The following XPNPEP3 variants were observed in gnomAD, a reference collection of about 807,000 sequenced individuals.
The protein encoded by XPNPEP3 is X-prolyl aminopeptidase 3, also known as xaa-Pro aminopeptidase 3.
Under a neutral mutation model 60.0 loss-of-function variants are expected in XPNPEP3, and 41 were observed. The ratio of observed to expected loss-of-function variants is 0.68; its 90% confidence interval spans 0.53 to 0.89. The LOEUF is 0.89. XPNPEP3 is among the 40% of genes least tolerant of loss of function. XPNPEP3 has a pLI of 0.00. For missense variants in XPNPEP3, 598 were observed against 638.9 expected (o/e 0.94, Z 0.69); for synonymous variants, 212 against 223.2 (o/e 0.95, Z 0.45).
intron 1 of XPNPEP3, among the ~76,000 whole-genome samples, chr22:40,863,140 C>T (rs539494536): frequency 2.6e-5 from 4 of 152,238 alleles, no homozygotes; most frequent in South Asian, 2.1e-4. Context: ...ATTTCAAGTA[C>T]AGTGGGAAGC....
chr22:40,899,430 A>G (rs2146263694), intron 4 of XPNPEP3, among the ~76,000 whole-genome samples: 1 of 152,278 alleles, frequency 6.6e-6, no homozygotes, highest in East Asian at 1.9e-4. Flanking sequence ...TCATTTCCAC[A>G]TTCCATGATT....
chr22:40,872,691 T>G (rs530484967), intron 2 of XPNPEP3, among the ~76,000 whole-genome samples: 67 of 152,192 alleles, frequency 4.4e-4, no homozygotes, highest in African/African-American at 1.6e-3. Flanking sequence ...CCTCAGGTGA[T>G]CCACCCGCCT....
intron 6 of XPNPEP3, among the ~76,000 whole-genome samples, chr22:40,912,371 A>G (rs2058180213): frequency 6.6e-6 from 1 of 152,214 alleles, no homozygotes; most frequent in Non-Finnish European, 1.5e-5. Context: ...GATTATGTCA[A>G]TTTATACTTC....
At position 40,886,386 on chromosome 22, in the gene XPNPEP3, C is replaced by T. The variant is rs150300298; in HGVS notation, c.663C>T (p.Pro221=). 1.2e-6 allele frequency: 2 copies of T among 1,613,986 alleles called. No homozygotes were observed. The highest frequency in any genetic ancestry group is 2.7e-5 in the African/African-American group (2 of 74,880). The stretch of plus-strand genomic sequence containing the variant: ...AGCTTCACTCTGACTATATGCAGCC[C>T]CTGACTGAGGCCAAAGCCAAGAGCA... ...HAQLHSDYMQ[P]LTEAKAKSKN... is the part of the protein sequence containing the mutation. Residue 221 remains proline (P), a synonymous_variant, in exon 4 of 10, where the codon CCC becomes CCT. Transcript: ENST00000357137.
At chr22:40,900,959 TAAAA>T (rs751265894) in intron 4 of XPNPEP3, among the ~76,000 whole-genome samples, 1 of 150,508 alleles carries the variant, frequency 6.6e-6, no homozygotes, top group Non-Finnish European at 1.5e-5. Flanking sequence ...TAAAAAATAA[TAAAA>T]AACAAAGGGA....
At chr22:40,903,529 C>T (rs1397316155) in intron 4 of XPNPEP3, among the ~76,000 whole-genome samples, 3 of 151,248 alleles carry the variant, frequency 2.0e-5, no homozygotes, top group African/African-American at 2.4e-5. Flanking sequence ...CTTACTCTGT[C>T]GCCCAGGCTG....
At chr22:40,904,339 G>A (rs1302146949) in intron 4 of XPNPEP3, among the ~76,000 whole-genome samples, 1 of 152,192 alleles carries the variant, frequency 6.6e-6, no homozygotes, top group African/African-American at 2.4e-5. Context: ...GGAAGGAGGA[G>A]GAACTTTTGT....
intron 4 of XPNPEP3, among the ~76,000 whole-genome samples, chr22:40,899,245 C>G (rs1374626224): frequency 6.6e-6 from 1 of 152,118 alleles, no homozygotes; most frequent in Admixed American, 6.6e-5. Context: ...AGCCCAGTTT[C>G]TTTGGGTTAG....
Position 40,857,193 on chromosome 22 carries a change from G to C in XPNPEP3, c.12G>C (p.Leu4=), listed in dbSNP as rs899563881. 1.2e-6 allele frequency: 2 copies of C among 1,614,094 alleles called. No homozygotes were observed. The highest frequency in any genetic ancestry group is 2.2e-5 in the East Asian group (1 of 44,894). Residue 4 remains leucine (L), a synonymous_variant, in exon 1 of 10, where the codon CTG becomes CTC. Transcript: ENST00000357137. MPW[L]LSAPKLVPAV... is the part of the protein sequence containing the mutation. ...TGAGTTAGGCCGTAATGCCTTGGCT[G>C]CTCTCAGCCCCCAAGCTGGTTCCCG...
At chr22:40,866,414 T>C (rs1255600679) in intron 1 of XPNPEP3, among the ~76,000 whole-genome samples, 3 of 152,032 alleles carry the variant, frequency 2.0e-5, no homozygotes, top group African/African-American at 7.2e-5. Context: ...GAGAAGTCTC[T>C]TGCGTAAGTG....
chr22:40,904,930 A>C (rs1272414727), intron 4 of XPNPEP3, among the ~76,000 whole-genome samples: 2 of 151,876 alleles, frequency 1.3e-5, no homozygotes, highest in Non-Finnish European at 2.9e-5. Flanking sequence ...ATGCCCAGCA[A>C]ATTTTTTGTA....
At position 40,861,972 on chromosome 22, in the gene XPNPEP3, A is replaced by G. The variant is rs548359127; in HGVS notation, c.64+4727A>G. On this transcript the variant is annotated intron_variant, in intron 1 of 9. Coordinates refer to ENST00000357137, the MANE Select transcript of XPNPEP3 (RefSeq NM_022098.4). ...AGGTGAAGCATATCTTTGCAGTCCT[A>G]GAACTTCATAGTAATCCACCATGTT... is the stretch of plus-strand genomic sequence containing the variant. 8 of 1,601,396 alleles carry G rather than the reference A, an allele frequency of 5.0e-6. No homozygotes were observed. The African/African-American group carries it at 5.4e-5, about 11-fold the overall frequency.
chr22:40,906,420 C>CA (rs11440795), intron 4 of XPNPEP3, among the ~76,000 whole-genome samples: 7,735 of 104,866 alleles, frequency 0.074, 244 homozygotes, highest in Middle Eastern at 0.16. Flanking sequence ...GACTCTGTCT[C>CA]AAAAAAAAAA....
At chr22:40,883,323 CAG>C (rs2058055751) in intron 3 of XPNPEP3, among the ~76,000 whole-genome samples, 1 of 152,066 alleles carries the variant, frequency 6.6e-6, no homozygotes. Context: ...TGCATTTTAA[CAG>C]ATCTTTTGTG....
rs1303778056 is a variant in XPNPEP3, at chr22:40,929,148, A to C, written c.*2713A>C. 4 of 152,156 alleles carry C rather than the reference A, an allele frequency of 2.6e-5. No homozygotes were observed. The highest frequency in any genetic ancestry group is 2.6e-4 in the Admixed American group (4 of 15,246). 9.4% of individuals were successfully genotyped at this position (152,156 alleles called of 1,614,324 possible). A position where few individuals can be genotyped will look rare whatever the true frequency, so the allele number is the denominator to read the frequency against. On this transcript the variant is annotated 3_prime_UTR_variant, in exon 10 of 10. Coordinates refer to ENST00000357137, the MANE Select transcript of XPNPEP3 (RefSeq NM_022098.4). ...TTCCTTTGTTCATTTGTAATCCAGG[A>C]ATAAGGAATTTCCTTTTCTTCTTGT...
chr22:40,898,264 T>TTTTG, intron 4 of XPNPEP3, among the ~76,000 whole-genome samples: 1 of 94,304 alleles, frequency 1.1e-5, no homozygotes, highest in Non-Finnish European at 1.9e-5. Flanking sequence ...TTTTTTTTTT[T>TTTTG]GAGACGGAGT....
chr22:40,887,402 G>T (rs1431586559), intron 4 of XPNPEP3, among the ~76,000 whole-genome samples: 2 of 152,090 alleles, frequency 1.3e-5, no homozygotes, highest in African/African-American at 4.8e-5. Context: ...ATCACAGTCT[G>T]CATGGCTTAA....
In XPNPEP3 at chr22:40,857,232, C is replaced by A. The variant is rs753215763; in HGVS notation, c.51C>A (p.Val17=). 1.9e-6 allele frequency: 3 copies of A among 1,614,114 alleles called. No individual in the cohort carries two copies. The East Asian group carries it at 6.7e-5, about 36-fold the overall frequency. ...AGCTGGTTCCCGCTGTAGCAAACGTCCGCGGCCTCTCAGGTTAGACTCTTC... is the reference window on the plus strand; with the variant it reads ...AGCTGGTTCCCGCTGTAGCAAACGTACGCGGCCTCTCAGGTTAGACTCTTC... ...APKLVPAVAN[V]RGLSGCMLCS... Residue 17 remains valine, a synonymous_variant, in exon 1 of 10, where the codon GTC becomes GTA. Coordinates refer to ENST00000357137, the MANE Select transcript of XPNPEP3 (RefSeq NM_022098.4).
At position 40,930,678 on chromosome 22, in the gene XPNPEP3, T is replaced by G. The variant is rs2058251701; in HGVS notation, c.*4243T>G. 6.6e-6 allele frequency: 1 copy of G among 151,948 alleles called. No individual in the cohort carries two copies. 9.4% of individuals were successfully genotyped at this position (151,948 alleles called of 1,614,324 possible). A position where few individuals can be genotyped will look rare whatever the true frequency, so the allele number is the denominator to read the frequency against. On this transcript the variant is annotated 3_prime_UTR_variant, in exon 10 of 10. Transcript: ENST00000357137. ...TCCACCCACCGGCTTCAACCAATTC[T>G]CCTGCCTCAGCCTCCCTAGTAACTG...
Sources: gnomAD v4.1 joint callset for allele counts (sites outside exome capture counted in the v4.1 genomes callset) on GRCh38, gnomAD v4.1.1 for gene constraint, MANE v1.5 for transcripts, NCBI Gene and HGNC (gene_info 2026-07-23, HGNC 2026-07-21) for gene names.